The following ECSIT variants were observed in gnomAD, a reference collection of about 807,000 sequenced individuals.
ECSIT encodes the protein evolutionarily conserved signaling intermediate in Toll pathway, mitochondrial.
A neutral mutation model predicts 36.8 loss-of-function variants in ECSIT; 29 were observed. The ratio of observed to expected loss-of-function variants is 0.79; its 90% CI spans 0.59 to 1.08. The LOEUF is 1.08. Ranked by LOEUF, ECSIT falls within the 50% of genes least tolerant of loss-of-function variation. The pLI, the probability that ECSIT is intolerant of heterozygous loss-of-function variation, is 0.00. For missense variants in ECSIT, 542 were observed against 581.0 expected (o/e 0.93, Z 0.69); for synonymous variants, 231 against 234.8 (o/e 0.98, Z 0.15).
At chr19:11,514,680 C>G (rs958605370) in intron 2 of ECSIT, among the ~76,000 whole-genome samples, 2 of 152,060 alleles carry the variant, frequency 1.3e-5, no homozygotes, top group African/African-American at 4.8e-5. Context: ...CACCACCACA[C>G]CTGGCTAATT....
At chr19:11,523,102 ACCT>A (rs1972141540) in intron 1 of ECSIT, among the ~76,000 whole-genome samples, 1 of 151,862 alleles carries the variant, frequency 6.6e-6, no homozygotes, top group East Asian at 1.9e-4. Context: ...CTCTCCATCT[ACCT>A]CCTCCACCAC....
chr19:11,506,027 A>G lies in ECSIT; in HGVS notation c.*157T>C. The G allele has an allele frequency of 7.7e-7, 1 of 1,300,118 alleles. No homozygotes were observed. Among genetic ancestry groups the G allele is most frequent in the Non-Finnish European group, 1.0e-6 (1 of 953,388 alleles). The allele number at this position is 1,300,118 out of a possible 1,614,324, so 80.5% of individuals were successfully genotyped here. On this transcript the variant is annotated 3_prime_UTR_variant, in exon 8 of 8. Coordinates refer to ENST00000270517, the MANE Select transcript of ECSIT (RefSeq NM_016581.5). ...GGGGTCTCGCCTGCCCATCGCTGGC[A>G]GCCCGAGATCCTGGGGAGGGGATGC...
At chr19:11,514,277 C>T (rs987226542) in intron 2 of ECSIT, 56 bp from the exon 3 acceptor site, 40 of 1,492,696 alleles carry the variant, frequency 2.7e-5, no homozygotes, top group East Asian at 2.3e-4. Context: ...TATGGGGGGC[C>T]GCCAGGCTGG....
At chr19:11,524,373 T>C (rs2145002352) in intron 1 of ECSIT, among the ~76,000 whole-genome samples, 1 of 152,118 alleles carries the variant, frequency 6.6e-6, no homozygotes, top group Admixed American at 6.5e-5. Flanking sequence ...AGTATAAAAA[T>C]TAGCTGGGCG....
intron 2 of ECSIT, chr19:11,516,068 T>A (rs1971992827): frequency 1.3e-5 from 2 of 152,260 alleles, no homozygotes; most frequent in Non-Finnish European, 2.9e-5. Flanking sequence ...CTAGCTATGT[T>A]GCCCAGGCGG....
chr19:11,523,054 G>C (rs1972140308), intron 1 of ECSIT, among the ~76,000 whole-genome samples: 1 of 152,054 alleles, frequency 6.6e-6, no homozygotes, highest in African/African-American at 2.4e-5. Flanking sequence ...CTGGGTGACA[G>C]AGTGAAAGAA....
chr19:11,523,880 T>C (rs1310287399), intron 1 of ECSIT: 4 of 463,124 alleles, frequency 8.6e-6, no homozygotes, highest in African/African-American at 4.0e-5. Flanking sequence ...TTGACTGTTA[T>C]GTAATCACTG....
At chr19:11,522,701 A>G (rs1972130693) in intron 1 of ECSIT, among the ~76,000 whole-genome samples, 1 of 151,880 alleles carries the variant, frequency 6.6e-6, no homozygotes, top group Admixed American at 6.6e-5. Flanking sequence ...TGACCGAGTG[A>G]GACTCTGTCT....
chr19:11,518,707 C>T (rs1352473164), intron 2 of ECSIT, among the ~76,000 whole-genome samples: 1 of 151,976 alleles, frequency 6.6e-6, no homozygotes, highest in African/African-American at 2.4e-5. Context: ...GACCAGCCTG[C>T]CCAACATGGT....
intron 2 of ECSIT, among the ~76,000 whole-genome samples, chr19:11,518,196 G>A (rs939990436): frequency 3.3e-5 from 5 of 152,158 alleles, no homozygotes; most frequent in Non-Finnish European, 7.3e-5. Flanking sequence ...GGAGGCCGAG[G>A]CGGGTGAATC....
At chr19:11,526,534 C>T (rs1972218760) in intron 1 of ECSIT, among the ~76,000 whole-genome samples, 1 of 152,130 alleles carries the variant, frequency 6.6e-6, no homozygotes. Context: ...TTTCTGAGTC[C>T]ACTATGTCCC....
chr19:11,523,353 A>G, intron 1 of ECSIT: 1 of 386,272 alleles, frequency 2.6e-6, no homozygotes, highest in African/African-American at 2.1e-5. Context: ...TATGTTAATC[A>G]CCCTTTCCCT....
chr19:11,525,043 A>G (rs1972185629), intron 1 of ECSIT, among the ~76,000 whole-genome samples: 1 of 152,130 alleles, frequency 6.6e-6, no homozygotes, highest in Non-Finnish European at 1.5e-5. Context: ...AGGCTGAGGC[A>G]GGAGAATCAC....
rs76529964 is a variant in ECSIT, at chr19:11,506,660, G to A, written c.1052-232C>T. ...AGTGATTCTCCTGCCTCGGCCTCCC[G>A]AGGAGCTGGGATTACAGGTGCACAG... On this transcript the variant is annotated intron_variant, in intron 7 of 7. Transcript: ENST00000270517. Among the ~76,000 whole-genome samples, 1,035 of 149,062 alleles carry A rather than the reference G, an allele frequency of 6.9e-3. 12 individuals carry two copies. Among genetic ancestry groups the A allele is most frequent in the African/African-American group, 0.025 (993 of 40,316 alleles).
At chr19:11,527,048 C>G (rs1972229555) in intron 1 of ECSIT, among the ~76,000 whole-genome samples, 1 of 152,104 alleles carries the variant, frequency 6.6e-6, no homozygotes. Context: ...AAAATTAGGC[C>G]AGGCGCTGTG....
At chr19:11,506,810 C>T (rs1971753062) in intron 7 of ECSIT, among the ~76,000 whole-genome samples, 1 of 152,198 alleles carries the variant, frequency 6.6e-6, no homozygotes, top group Non-Finnish European at 1.5e-5. Flanking sequence ...GCTGGGATTA[C>T]AGGCGTGAGC....
chr19:11,508,973 G>T (rs150724169), intron 4 of ECSIT, among the ~76,000 whole-genome samples: 2 of 152,254 alleles, frequency 1.3e-5, no homozygotes, highest in Admixed American at 1.3e-4. Flanking sequence ...AGAAGCAAAT[G>T]ATAGCTTTCA....
At chr19:11,518,996 A>G in intron 2 of ECSIT, 79 bp downstream of exon 2, 2 of 1,253,496 alleles carry the variant, frequency 1.6e-6, no homozygotes, top group Non-Finnish European at 1.1e-6. Flanking sequence ...CTGGCTTCAC[A>G]GAGTGGATTC....
intron 2 of ECSIT, among the ~76,000 whole-genome samples, chr19:11,515,387 C>T (rs1481799322): frequency 2.0e-5 from 3 of 152,092 alleles, no homozygotes; most frequent in Admixed American, 6.6e-5. Flanking sequence ...CAGGCATGAG[C>T]CACCGCGCCC....
Sources: allele counts gnomAD v4.1 joint callset (sites outside exome capture counted in the v4.1 genomes callset), GRCh38; gene constraint gnomAD v4.1.1; transcripts MANE v1.5; gene names NCBI Gene and HGNC (gene_info 2026-07-23, HGNC 2026-07-21).